The following B3GALT1 variants were observed in gnomAD, a reference collection of about 807,000 sequenced individuals.
B3GALT1 encodes the protein UDP-Gal:betaGlcNAc beta 1,3-galactosyltransferase, polypeptide 1.
Under a neutral mutation model 23.2 loss-of-function variants are expected in B3GALT1, and 10 were observed. The observed-to-expected ratio is 0.43, with a 90% CI of 0.27 to 0.73. B3GALT1 has a LOEUF of 0.73. Ranked by LOEUF, B3GALT1 falls within the 30% of genes least tolerant of loss-of-function variation. B3GALT1 has a pLI of 0.21. For synonymous variants in B3GALT1, 156 were observed against 141.5 expected, an observed-to-expected ratio of 1.10 and a Z score of -0.73; for missense variants, 299 against 405.4, an observed-to-expected ratio of 0.74 and a Z score of 2.25.
chr2:167,385,491 G>A (rs1334856753), intron 1 of B3GALT1, among the ~76,000 whole-genome samples: 1 of 151,276 alleles, frequency 6.6e-6, no homozygotes, highest in African/African-American at 2.5e-5. Context: ...TACATGCTCA[G>A]TAAATATTTG....
intron 1 of B3GALT1, among the ~76,000 whole-genome samples, chr2:167,450,767 C>T (rs1251678561): frequency 6.6e-6 from 1 of 152,158 alleles, no homozygotes; most frequent in Non-Finnish European, 1.5e-5. Flanking sequence ...AAGTTTTCCT[C>T]AATTATTCCC....
chr2:167,811,196 C>G (rs1040066442), intron 3 of B3GALT1, among the ~76,000 whole-genome samples: 2 of 152,224 alleles, frequency 1.3e-5, no homozygotes, highest in African/African-American at 4.8e-5. Context: ...TCTTGAGTGT[C>G]TGACATTCAG....
intron 1 of B3GALT1, among the ~76,000 whole-genome samples, chr2:167,444,305 C>T (rs977786271): frequency 2.6e-5 from 4 of 152,184 alleles, no homozygotes; most frequent in African/African-American, 9.7e-5. Flanking sequence ...TGATGGTCAT[C>T]AGGGATATTG....
At chr2:167,435,529 A>G (rs1298754998) in intron 1 of B3GALT1, among the ~76,000 whole-genome samples, 3 of 149,388 alleles carry the variant, frequency 2.0e-5, no homozygotes, top group African/African-American at 7.3e-5. Context: ...AGAACCTTGG[A>G]TATCCAAAAA....
chr2:167,610,372 G>C (rs1039196207), intron 2 of B3GALT1, among the ~76,000 whole-genome samples: 3 of 152,036 alleles, frequency 2.0e-5, no homozygotes, highest in Non-Finnish European at 4.4e-5. Flanking sequence ...TGGAAAACAT[G>C]TTCCTTGTAG....
At chr2:167,660,901 G>A (rs1574196199) in intron 3 of B3GALT1, among the ~76,000 whole-genome samples, 1 of 152,102 alleles carries the variant, frequency 6.6e-6, no homozygotes, top group East Asian at 1.9e-4. Flanking sequence ...ATAAAGTAAT[G>A]AGAGAGAATT....
chr2:167,450,507 G>T (rs548724195), intron 1 of B3GALT1, among the ~76,000 whole-genome samples: 1 of 152,232 alleles, frequency 6.6e-6, no homozygotes, highest in East Asian at 1.9e-4. Flanking sequence ...TGTTTAAGGA[G>T]CCTGAAGATA....
chr2:167,716,954 A>G (rs1169331550), intron 3 of B3GALT1, among the ~76,000 whole-genome samples: 1 of 152,122 alleles, frequency 6.6e-6, no homozygotes, highest in Non-Finnish European at 1.5e-5. Flanking sequence ...CTGTCATATT[A>G]TGTCTCTTTA....
At chr2:167,724,450 T>A (rs180960240) in intron 3 of B3GALT1, among the ~76,000 whole-genome samples, 38 of 152,350 alleles carry the variant, frequency 2.5e-4, no homozygotes, top group Non-Finnish European at 4.4e-4. Context: ...TGGTTACTTA[T>A]TCAGAAGAAC....
intron 1 of B3GALT1, among the ~76,000 whole-genome samples, chr2:167,470,533 A>T (rs1321548555): frequency 6.6e-6 from 1 of 152,124 alleles, no homozygotes; most frequent in African/African-American, 2.4e-5. Flanking sequence ...TAATAATTAT[A>T]TGGTAGTCCT....
intron 1 of B3GALT1, among the ~76,000 whole-genome samples, chr2:167,444,674 C>T (rs1172636055): frequency 1.3e-5 from 2 of 152,162 alleles, no homozygotes; most frequent in Non-Finnish European, 2.9e-5. Flanking sequence ...GTAGTATTCT[C>T]TGATGGTAGT....
In B3GALT1 at chr2:167,348,917, G is replaced by A. The variant is rs942931281; in HGVS notation, c.-511+55583G>A. On this transcript the variant is annotated intron_variant, in intron 1 of 4. Transcript: ENST00000392690. ...ATTATAGTAAAAGTTCCTTGGAAAT[G>A]GGATCTGGGCTTGATTAATCTTTTG... Among the ~76,000 whole-genome samples, 10 of 152,192 alleles carry A rather than the reference G, an allele frequency of 6.6e-5. 1 individual carries two copies. In the South Asian group the frequency reaches 1.9e-3, roughly 28 times the overall value.
At chr2:167,724,775 A>G (rs67678493) in intron 3 of B3GALT1, among the ~76,000 whole-genome samples, 27,942 of 152,220 alleles carry the variant, frequency 0.18, 3,009 homozygotes, top group Non-Finnish European at 0.25. Flanking sequence ...TGCTTTTGCA[A>G]TCAATGTGCC....
intron 2 of B3GALT1, among the ~76,000 whole-genome samples, chr2:167,567,034 C>G (rs1481616983): frequency 1.3e-5 from 2 of 152,136 alleles, no homozygotes; most frequent in African/African-American, 4.8e-5. Context: ...TTAACAAGCT[C>G]TTTGGTAATT....
At chr2:167,567,763 A>C (rs1349939505) in intron 2 of B3GALT1, among the ~76,000 whole-genome samples, 1 of 152,080 alleles carries the variant, frequency 6.6e-6, no homozygotes, top group Non-Finnish European at 1.5e-5. Flanking sequence ...CATAGTTTAC[A>C]TTAGGATTCA....
chr2:167,400,540 A>G lies in B3GALT1; in HGVS notation c.-510-89637A>G, dbSNP rs1443547488. On this transcript the variant is annotated intron_variant, in intron 1 of 4. Coordinates refer to ENST00000392690, the MANE Select transcript of B3GALT1 (RefSeq NM_020981.4). ...GCTGAATCTCTGTTAGACTTTTTCA[A>G]TAGGGAGTACTATGGGTTCCTATAC... 3.3e-5 allele frequency among the ~76,000 whole-genome samples: 5 copies of G among 152,020 alleles called. No individual in the cohort carries two copies. The East Asian group carries it at 5.8e-4, about 18-fold the overall frequency.
chr2:167,767,151 G>T (rs1207122275), intron 3 of B3GALT1, among the ~76,000 whole-genome samples: 2 of 152,190 alleles, frequency 1.3e-5, no homozygotes, highest in Non-Finnish European at 2.9e-5. Context: ...TGGAAAGTTT[G>T]TTCAATCTTA....
intron 3 of B3GALT1, among the ~76,000 whole-genome samples, chr2:167,761,498 G>A (rs1207104180): frequency 2.0e-5 from 3 of 152,118 alleles, no homozygotes; most frequent in Non-Finnish European, 4.4e-5. Flanking sequence ...GAGGTTGTTT[G>A]GCAATACTAT....
At chr2:167,360,114 A>T (rs1016286257) in intron 1 of B3GALT1, among the ~76,000 whole-genome samples, 1 of 152,174 alleles carries the variant, frequency 6.6e-6, no homozygotes, top group Non-Finnish European at 1.5e-5. Context: ...TTCTCTTTTA[A>T]GTCAAAATCA....
Sources: allele counts gnomAD v4.1 joint callset (sites outside exome capture counted in the v4.1 genomes callset), GRCh38; gene constraint gnomAD v4.1.1; transcripts MANE v1.5; gene names NCBI Gene and HGNC (gene_info 2026-07-23, HGNC 2026-07-21).